Variants in MINDY3 observed in about 807,000 individuals in gnomAD.
MINDY3 encodes MINDY lysine 48 deubiquitinase 3.
In MINDY3, 38 loss-of-function variants were observed where a neutral mutation model predicts 69.2. The ratio of observed to expected loss-of-function variants is 0.55; its 90% CI spans 0.42 to 0.72. The LOEUF (loss-of-function observed/expected upper bound fraction) is 0.72. Ranked by LOEUF, MINDY3 falls within the 30% of genes least tolerant of loss-of-function variation. MINDY3 has a pLI of 0.00. For missense variants in MINDY3, 522 were observed against 519.0 expected, an observed-to-expected ratio of 1.01 and a Z score of -0.06; for synonymous variants, 192 against 180.1, an observed-to-expected ratio of 1.07 and a Z score of -0.53.
intron 2 of MINDY3, 138 bp downstream of exon 2, chr10:15,847,724 TTG>T: frequency 1.9e-6 from 1 of 531,036 alleles, no homozygotes; most frequent in East Asian, 2.9e-5. Context: ...TGGATATTTA[TTG>T]TAATTTACAT....
At chr10:15,821,460 A>T (rs1839755466) in intron 9 of MINDY3, among the ~76,000 whole-genome samples, 196 bp downstream of exon 9, 2 of 152,212 alleles carry the variant, frequency 1.3e-5, no homozygotes, top group South Asian at 4.1e-4. Flanking sequence ...GACCTAGCAT[A>T]GGAAACTCAG....
intron 11 of MINDY3, among the ~76,000 whole-genome samples, chr10:15,792,755 A>G (rs1448006240): frequency 6.6e-6 from 1 of 152,116 alleles, no homozygotes; most frequent in Non-Finnish European, 1.5e-5. Flanking sequence ...ATATAATTGT[A>G]CAAGGGGGAG....
chr10:15,823,631 C>G (rs1324255027), intron 8 of MINDY3, among the ~76,000 whole-genome samples: 1 of 151,946 alleles, frequency 6.6e-6, no homozygotes, highest in Non-Finnish European at 1.5e-5. Context: ...TTTCTTTAAA[C>G]ACATATACTA....
At chr10:15,786,085 C>T (rs2131836849) in intron 13 of MINDY3, among the ~76,000 whole-genome samples, 1 of 152,274 alleles carries the variant, frequency 6.6e-6, no homozygotes, top group African/African-American at 2.4e-5. Flanking sequence ...TTCCAGGTAA[C>T]TGAGCTCCTA....
chr10:15,859,756 G>A (rs1190128379), intron 1 of MINDY3, among the ~76,000 whole-genome samples: 1 of 152,150 alleles, frequency 6.6e-6, no homozygotes, highest in Non-Finnish European at 1.5e-5. Flanking sequence ...ACTGCTTTTT[G>A]GAATTAGCCA....
At chr10:15,835,996 A>T (rs541687350) in intron 6 of MINDY3, among the ~76,000 whole-genome samples, 1 of 151,964 alleles carries the variant, frequency 6.6e-6, no homozygotes, top group Non-Finnish European at 1.5e-5. Flanking sequence ...AGATCTTGTC[A>T]CTCCCTTGTT....
At chr10:15,795,294 T>C (rs894600203) in intron 11 of MINDY3, among the ~76,000 whole-genome samples, 11 of 152,062 alleles carry the variant, frequency 7.2e-5, no homozygotes, top group South Asian at 2.1e-4. Context: ...TAGTAAGTGG[T>C]AAGAGAAGAT....
intron 12 of MINDY3, chr10:15,789,044 G>A (rs371008380): frequency 4.8e-6 from 2 of 416,856 alleles, no homozygotes; most frequent in East Asian, 7.1e-5. Flanking sequence ...AGTAATTGCT[G>A]GGTGGGAAAG....
intron 1 of MINDY3, among the ~76,000 whole-genome samples, chr10:15,848,633 C>CAAAAAAAAAAAAA (rs10719399): frequency 8.2e-4 from 40 of 48,796 alleles, no homozygotes; most frequent in African/African-American, 2.4e-3. Flanking sequence ...GACTTCATCT[C>CAAAAAAAAAAAAA]AAAAAAAAAA....
intron 10 of MINDY3, among the ~76,000 whole-genome samples, chr10:15,803,283 A>G (rs1838395644): frequency 6.6e-6 from 1 of 152,186 alleles, no homozygotes; most frequent in South Asian, 2.1e-4. Context: ...TATTTAACTT[A>G]AACACTTGCA....
At position 15,782,082 on chromosome 10, in the gene MINDY3, G is replaced by T. The variant is rs1365374410; in HGVS notation, c.1188+73C>A. 5 of 1,088,764 alleles carry T rather than the reference G, an allele frequency of 4.6e-6. No individual in the cohort carries two copies. In the African/African-American group the frequency reaches 6.3e-5, roughly 14 times the overall value. 67.4% of individuals were successfully genotyped at this position (1,088,764 alleles called of 1,614,324 possible). ...CTTAGGTAGCAATTGTACGGGAATCGAACATTGTTACATACTCACATAATT... is the reference window on the plus strand; with the variant it reads ...CTTAGGTAGCAATTGTACGGGAATCTAACATTGTTACATACTCACATAATT... On this transcript the variant is annotated intron_variant, in intron 14 of 14. Coordinates refer to ENST00000277632, the MANE Select transcript of MINDY3 (RefSeq NM_024948.4).
At chr10:15,822,315 A>G (rs1411448028) in intron 8 of MINDY3, among the ~76,000 whole-genome samples, 2 of 152,100 alleles carry the variant, frequency 1.3e-5, no homozygotes, top group East Asian at 1.9e-4. Flanking sequence ...CAGATGAAAA[A>G]AACATATGTG....
chr10:15,803,775 A>C (rs185900612), intron 10 of MINDY3, among the ~76,000 whole-genome samples: 2 of 152,204 alleles, frequency 1.3e-5, no homozygotes, highest in African/African-American at 4.8e-5. Context: ...TATCCTAAGA[A>C]AATTATCTTC....
rs548890047 is a variant in MINDY3, at chr10:15,833,168, G to T, written c.730+462C>A. Among the ~76,000 whole-genome samples, 2 of 152,270 alleles carry T rather than the reference G, an allele frequency of 1.3e-5. 1 individual carries two copies. The highest frequency in any genetic ancestry group is 4.1e-4 in the South Asian group (2 of 4,826). ...TGAGACCAGAAATGGAAGTGGTAGT[G>T]GAAGAGTTGGTAATTTAAAAGTCTC... On this transcript the variant is annotated intron_variant, in intron 8 of 14. Transcript: ENST00000277632.
At chr10:15,793,126 T>C (rs149493913) in intron 11 of MINDY3, among the ~76,000 whole-genome samples, 2 of 152,252 alleles carry the variant, frequency 1.3e-5, no homozygotes, top group East Asian at 3.9e-4. Flanking sequence ...CATTTTACAA[T>C]AATTCCTATA....
At chr10:15,851,235 T>C (rs538844254) in intron 1 of MINDY3, among the ~76,000 whole-genome samples, 2 of 152,316 alleles carry the variant, frequency 1.3e-5, no homozygotes, top group Admixed American at 1.3e-4. Flanking sequence ...TTTCATTCTA[T>C]ATATTTTTCC....
chr10:15,820,935 C>A (rs1475400082), intron 9 of MINDY3, among the ~76,000 whole-genome samples: 2 of 152,076 alleles, frequency 1.3e-5, no homozygotes, highest in Non-Finnish European at 2.9e-5. Context: ...CATAGCAAGA[C>A]CCTGTCTCTA....
intron 2 of MINDY3, among the ~76,000 whole-genome samples, chr10:15,844,978 T>G (rs148373967): frequency 2.6e-5 from 4 of 152,312 alleles, no homozygotes; most frequent in African/African-American, 9.6e-5. Context: ...CCCCTGAATC[T>G]TAGTGTTTTT....
chr10:15,847,491 G>GT (rs1833934544), intron 2 of MINDY3, among the ~76,000 whole-genome samples: 1 of 152,100 alleles, frequency 6.6e-6, no homozygotes, highest in Admixed American at 6.5e-5. Context: ...CTTTAGGAAA[G>GT]TAACTTTTAC....
Sources: gnomAD v4.1 joint callset for allele counts (sites outside exome capture counted in the v4.1 genomes callset) on GRCh38, gnomAD v4.1.1 for gene constraint, MANE v1.5 for transcripts, NCBI Gene and HGNC (gene_info 2026-07-23, HGNC 2026-07-21) for gene names.